MEGF9: variants seen among roughly 807,000 people sequenced by gnomAD.
The protein encoded by MEGF9 is multiple epidermal growth factor-like domains protein 9.
A neutral mutation model predicts 46.8 loss-of-function variants in MEGF9; 6 were observed. The ratio of observed to expected loss-of-function variants is 0.13; its 90% CI spans 0.07 to 0.25. The LOEUF (loss-of-function observed/expected upper bound fraction) is 0.25, where lower values mean the gene tolerates loss of function less well. MEGF9 is among the 10% of genes least tolerant of loss of function. The pLI is 1.00. For missense variants in MEGF9, 683 were observed against 792.4 expected, an observed-to-expected ratio of 0.86 and a Z score of 1.66; for synonymous variants, 302 against 330.7, an observed-to-expected ratio of 0.91 and a Z score of 0.94.
At chr9:120,697,798 G>T (rs1489330443) in intron 1 of MEGF9, among the ~76,000 whole-genome samples, 2 of 152,056 alleles carry the variant, frequency 1.3e-5, no homozygotes. Flanking sequence ...AAGCGAACCT[G>T]GATCACTGTG....
intron 2 of MEGF9, among the ~76,000 whole-genome samples, chr9:120,652,344 G>A (rs534047474): frequency 5.9e-4 from 90 of 151,502 alleles, no homozygotes; most frequent in Middle Eastern, 3.5e-3. Context: ...AGGCGTGGTG[G>A]TGCATGCCTG....
intron 2 of MEGF9, among the ~76,000 whole-genome samples, chr9:120,643,750 A>G (rs1453705848): frequency 6.7e-6 from 1 of 150,298 alleles, no homozygotes. Flanking sequence ...TGTTGCCCAG[A>G]CTGGTGCCAT....
chr9:120,712,666 C>T (rs1447724225), intron 1 of MEGF9, among the ~76,000 whole-genome samples: 2 of 152,152 alleles, frequency 1.3e-5, no homozygotes, highest in African/African-American at 2.4e-5. Flanking sequence ...TGGGAAAATT[C>T]TCTACACACT....
At chr9:120,661,312 G>A (rs1228262069) in intron 1 of MEGF9, among the ~76,000 whole-genome samples, 2 of 152,168 alleles carry the variant, frequency 1.3e-5, no homozygotes, top group African/African-American at 2.4e-5. Flanking sequence ...TCAGGAGTTT[G>A]AGACCAGCCT....
chr9:120,620,123 G>T (rs554829563), intron 3 of MEGF9, among the ~76,000 whole-genome samples: 3 of 152,256 alleles, frequency 2.0e-5, no homozygotes, highest in South Asian at 4.1e-4. Context: ...ACCATGAAAA[G>T]AATTATTTTG....
intron 1 of MEGF9, among the ~76,000 whole-genome samples, chr9:120,704,104 C>T (rs10984986): frequency 0.056 from 8,464 of 152,242 alleles, 311 homozygotes; most frequent in Middle Eastern, 0.088. Flanking sequence ...GAGGCCAAGG[C>T]GGGCGGATCA....
At chr9:120,663,924 C>T (rs1165379893) in intron 1 of MEGF9, among the ~76,000 whole-genome samples, 5 of 151,880 alleles carry the variant, frequency 3.3e-5, no homozygotes, top group African/African-American at 9.7e-5. Context: ...TGATTTTCAC[C>T]CTGAAGAAGA....
At chr9:120,655,495 C>G (rs1443972050) in intron 2 of MEGF9, among the ~76,000 whole-genome samples, 1 of 152,164 alleles carries the variant, frequency 6.6e-6, no homozygotes, top group Non-Finnish European at 1.5e-5. Context: ...TAACACATTT[C>G]TCACAACATA....
In MEGF9 at chr9:120,714,126, G is replaced by C. The variant is rs763029660; in HGVS notation, c.233C>G (p.Pro78Arg). The C allele has an allele frequency of 3.6e-4, 443 of 1,241,448 alleles. No individual in the cohort carries two copies. The highest frequency in any genetic ancestry group is 4.2e-4 in the Non-Finnish European group (413 of 992,764). 76.9% of individuals were successfully genotyped at this position (1,241,448 alleles called of 1,614,324 possible). ...GGTGGCGCGCGGGGGCCCGGTCCTCGGGGCCTGGGCCGTGGGAGCCGTCGC... is the reference window on the plus strand; with the variant it reads ...GGTGGCGCGCGGGGGCCCGGTCCTCCGGGCCTGGGCCGTGGGAGCCGTCGC... ...PRATAPTAQA[P>R]RTGPPRATVH... The change falls in exon 1 of 6, where the codon CCG becomes CGG. Residue 78 changes from proline to arginine, a missense_variant. By Grantham distance (103) the Pro-to-Arg change is moderately radical. Around this residue, in one of 2 missense-constraint regions of MEGF9, gnomAD observed 370 missense variants for 371.3 expected, o/e 1.00. Transcript: ENST00000373930.
chr9:120,676,241 A>T (rs2043772762), intron 1 of MEGF9, among the ~76,000 whole-genome samples: 1 of 152,194 alleles, frequency 6.6e-6, no homozygotes, highest in African/African-American at 2.4e-5. Context: ...CCTGGGCAAC[A>T]TGGCAAAACC....
At chr9:120,611,238 T>A (rs1393932427) in intron 4 of MEGF9, among the ~76,000 whole-genome samples, 2 of 152,074 alleles carry the variant, frequency 1.3e-5, no homozygotes, top group Admixed American at 1.3e-4. Context: ...GGAATTCCAC[T>A]CCTAGGTATA....
At chr9:120,671,840 T>C (rs1417533266) in intron 1 of MEGF9, among the ~76,000 whole-genome samples, 1 of 152,152 alleles carries the variant, frequency 6.6e-6, no homozygotes, top group Non-Finnish European at 1.5e-5. Flanking sequence ...CTTGTGAACA[T>C]CTTGGATCAA....
chr9:120,630,107 G>T (rs1380951626), intron 2 of MEGF9, among the ~76,000 whole-genome samples: 1 of 151,928 alleles, frequency 6.6e-6, no homozygotes, highest in African/African-American at 2.4e-5. Flanking sequence ...CATATTTATG[G>T]GGTACAGTGT....
chr9:120,638,482 AC>A (rs1349061029), intron 2 of MEGF9, among the ~76,000 whole-genome samples: 1 of 152,176 alleles, frequency 6.6e-6, no homozygotes, highest in Non-Finnish European at 1.5e-5. Context: ...AGTCCTTTAT[AC>A]CCAAGTTCTA....
At chr9:120,697,321 G>A (rs147926958) in intron 1 of MEGF9, among the ~76,000 whole-genome samples, 6 of 152,230 alleles carry the variant, frequency 3.9e-5, no homozygotes, top group African/African-American at 1.4e-4. Flanking sequence ...GGGCTCAAGT[G>A]ATCTGGCCCT....
rs367878671 is a variant in MEGF9 at position 120,655,420 on chromosome 9, A to G, written c.803+3954T>C. On this transcript the variant is annotated intron_variant, in intron 2 of 5. Transcript: ENST00000373930. The stretch of plus-strand genomic sequence containing the variant: ...ATACTATATAGTCTAGGTATACAGC[A>G]GGCTATACCATCTAGGTTTGTGTAA... Among the ~76,000 whole-genome samples the G allele has an allele frequency of 2.1e-4, 32 of 152,352 alleles. 1 individual carries two copies. Among genetic ancestry groups the G allele is most frequent in the African/African-American group, 7.2e-4 (30 of 41,572 alleles).
At chr9:120,619,121 G>A (rs1020691705) in intron 3 of MEGF9, among the ~76,000 whole-genome samples, 12 of 151,968 alleles carry the variant, frequency 7.9e-5, no homozygotes, top group East Asian at 5.8e-4. Context: ...CGAGGCAGGC[G>A]GATCACCTGA....
intron 3 of MEGF9, among the ~76,000 whole-genome samples, chr9:120,615,637 G>T (rs1479834007): frequency 6.6e-6 from 1 of 152,106 alleles, no homozygotes; most frequent in African/African-American, 2.4e-5. Flanking sequence ...GCTCAAACCT[G>T]TAATCCCAGC....
chr9:120,656,240 G>C (rs1328377117), intron 2 of MEGF9, among the ~76,000 whole-genome samples: 1 of 152,090 alleles, frequency 6.6e-6, no homozygotes, highest in East Asian at 1.9e-4. Flanking sequence ...CTCCTCAAGG[G>C]AGTTTTTGTA....
Sources: allele counts gnomAD v4.1 joint callset (sites outside exome capture counted in the v4.1 genomes callset), GRCh38; gene constraint gnomAD v4.1.1; regional missense constraint gnomAD v4.1.1; transcripts MANE v1.5; gene names NCBI Gene and HGNC (gene_info 2026-07-23, HGNC 2026-07-21).